TSHZ2: variants seen among roughly 807,000 people sequenced by gnomAD.
TSHZ2 encodes the protein teashirt zinc finger homeobox 2.
In TSHZ2, 21 loss-of-function variants were observed where a neutral mutation model predicts 74.4. The observed-to-expected ratio is 0.28, with a 90% CI of 0.20 to 0.41. The LOEUF (loss-of-function observed/expected upper bound fraction) is 0.41, where lower values mean the gene tolerates loss of function less well. TSHZ2 is among the 10% of genes least tolerant of loss of function. The pLI is 1.00. For synonymous variants in TSHZ2, 540 were observed against 515.3 expected (o/e 1.05, Z -0.65); for missense variants, 1,244 against 1,293.5 (o/e 0.96, Z 0.59).
At position 53,326,460 on chromosome 20, in the gene TSHZ2, C is replaced by T. The variant is rs369541114; in HGVS notation, c.*8+69889C>T. 1.8e-4 allele frequency among the ~76,000 whole-genome samples: 27 copies of T among 152,306 alleles called. No individual in the cohort carries two copies. In the South Asian group the frequency reaches 2.5e-3, roughly 14 times the overall value. ...TGTAATTTAGTCTATTCCTCAGCAA[C>T]GCCCATGATAGAGGTGCAGTAACTT... On this transcript the variant is annotated intron_variant, in intron 2 of 2. Transcript: ENST00000371497.
intron 1 of TSHZ2, among the ~76,000 whole-genome samples, chr20:53,085,537 A>G (rs1314271745): frequency 6.6e-6 from 1 of 152,202 alleles, no homozygotes; most frequent in Non-Finnish European, 1.5e-5. Context: ...AGACAAACTC[A>G]GGTGTTCAAT....
intron 2 of TSHZ2, among the ~76,000 whole-genome samples, chr20:53,428,742 G>A (rs1041232912): frequency 3.3e-5 from 5 of 152,040 alleles, no homozygotes; most frequent in Non-Finnish European, 4.4e-5. Flanking sequence ...TGACCTGGGC[G>A]GGCCTAACTG....
chr20:53,133,044 A>G (rs1033124219), intron 1 of TSHZ2, among the ~76,000 whole-genome samples: 2 of 152,052 alleles, frequency 1.3e-5, no homozygotes, highest in East Asian at 3.9e-4. Context: ...AGTAATATCT[A>G]TGTTTTTAAT....
chr20:53,260,454 C>T (rs547490732), intron 2 of TSHZ2, among the ~76,000 whole-genome samples: 1 of 152,178 alleles, frequency 6.6e-6, no homozygotes, highest in South Asian at 2.1e-4. Flanking sequence ...TAAGCCATAA[C>T]CAGGACAAGA....
chr20:53,320,661 G>T (rs886183804), intron 2 of TSHZ2, among the ~76,000 whole-genome samples: 2 of 152,162 alleles, frequency 1.3e-5, no homozygotes, highest in African/African-American at 4.8e-5. Flanking sequence ...GTGTTAGGGG[G>T]TGTTAAAAAC....
intron 2 of TSHZ2, among the ~76,000 whole-genome samples, chr20:53,326,243 G>A (rs1225801847): frequency 2.6e-5 from 4 of 152,166 alleles, no homozygotes; most frequent in South Asian, 2.1e-4. Context: ...GACTTTTGTC[G>A]GATTTGTCCC....
chr20:53,230,172 A>G (rs1568824765), intron 1 of TSHZ2, among the ~76,000 whole-genome samples: 2 of 152,126 alleles, frequency 1.3e-5, no homozygotes, highest in Non-Finnish European at 2.9e-5. Flanking sequence ...TTTTTCATAT[A>G]TTTATTTATT....
intron 1 of TSHZ2, among the ~76,000 whole-genome samples, chr20:53,108,342 T>C (rs1321706359): frequency 6.6e-6 from 1 of 152,240 alleles, no homozygotes; most frequent in African/African-American, 2.4e-5. Context: ...TTCTGGATAA[T>C]GTAAGTTATG....
At chr20:53,139,273 C>A (rs1348645987) in intron 1 of TSHZ2, among the ~76,000 whole-genome samples, 1 of 152,182 alleles carries the variant, frequency 6.6e-6, no homozygotes, top group Non-Finnish European at 1.5e-5. Flanking sequence ...GTATCACCTG[C>A]TAGTACAGGG....
chr20:53,164,385 A>G (rs1171083415), intron 1 of TSHZ2, among the ~76,000 whole-genome samples: 1 of 151,852 alleles, frequency 6.6e-6, no homozygotes. Flanking sequence ...ATAGTTTACA[A>G]CTATTAAAAG....
In TSHZ2 at chr20:53,135,189, C is replaced by T. The variant is rs188502451; in HGVS notation, c.41-118310C>T. On this transcript the variant is annotated intron_variant, in intron 1 of 2. Transcript: ENST00000371497. ...AAAATTGACTTTCTCCTGTGGTATA[C>T]AGTTTTATGAACTTTCATTCATGTA... 3.3e-3 allele frequency among the ~76,000 whole-genome samples: 506 copies of T among 152,186 alleles called. 2 individuals carry two copies. Among genetic ancestry groups the T allele is most frequent in the African/African-American group, 0.011 (454 of 41,520 alleles).
rs1378964905 is a variant in TSHZ2 at position 53,001,232 on chromosome 20, G to GTGTATGTGTGTGTGTGTGTGTGTA, written c.40+27902_40+27903insATGTGTGTGTGTGTGTGTGTATGT. ...TGTGTGTGTGTGTGTGTGTGTGTGT[G>GTGTATGTGTGTGTGTGTGTGTGTA]TGTGTGTGTGTGTGTGTGTGTGTTT... On this transcript the variant is annotated intron_variant, in intron 1 of 2. Coordinates refer to ENST00000371497, the MANE Select transcript of TSHZ2 (RefSeq NM_173485.6). 6.1e-4 allele frequency among the ~76,000 whole-genome samples: 83 copies of GTGTATGTGTGTGTGTGTGTGTGTA among 135,330 alleles called. 2 individuals are homozygous for GTGTATGTGTGTGTGTGTGTGTGTA. Among genetic ancestry groups the GTGTATGTGTGTGTGTGTGTGTGTA allele is most frequent in the South Asian group, 2.4e-3 (10 of 4,174 alleles). 88.8% of individuals were successfully genotyped at this position (135,330 alleles called of 152,430 possible). A position where few individuals can be genotyped will look rare whatever the true frequency, so the allele number is the denominator to read the frequency against.
At chr20:53,120,554 A>G (rs1303879718) in intron 1 of TSHZ2, among the ~76,000 whole-genome samples, 1 of 152,220 alleles carries the variant, frequency 6.6e-6, no homozygotes, top group Non-Finnish European at 1.5e-5. Flanking sequence ...AGGTAACTAA[A>G]TTTGAAAAAT....
chr20:53,175,501 A>G (rs185450029), intron 1 of TSHZ2, among the ~76,000 whole-genome samples: 7 of 151,524 alleles, frequency 4.6e-5, no homozygotes, highest in Admixed American at 2.0e-4. Flanking sequence ...CTCAATGGCC[A>G]GAAGGAAACA....
chr20:53,263,521 G>C (rs1352592320), intron 2 of TSHZ2, among the ~76,000 whole-genome samples: 2 of 152,114 alleles, frequency 1.3e-5, no homozygotes, highest in Non-Finnish European at 2.9e-5. Flanking sequence ...CCAGATCTTT[G>C]TGTGAGCCCC....
intron 1 of TSHZ2, among the ~76,000 whole-genome samples, chr20:53,222,325 G>A (rs2123644910): frequency 6.6e-6 from 1 of 152,202 alleles, no homozygotes; most frequent in South Asian, 2.1e-4. Context: ...CAACATTCTT[G>A]CCTCTCTACA....
intron 2 of TSHZ2, among the ~76,000 whole-genome samples, chr20:53,422,140 G>T (rs533709039): frequency 6.6e-6 from 1 of 152,000 alleles, no homozygotes. Flanking sequence ...CTGGACTGCC[G>T]AGTTAAGGTT....
intron 1 of TSHZ2, among the ~76,000 whole-genome samples, chr20:52,983,514 A>G (rs34298608): frequency 3.6e-3 from 551 of 152,336 alleles, no homozygotes; most frequent in Admixed American, 8.0e-3. Flanking sequence ...GCTTTCATTC[A>G]TATATTGCTT....
intron 2 of TSHZ2, among the ~76,000 whole-genome samples, chr20:53,283,090 C>A (rs943304054): frequency 6.6e-6 from 1 of 152,174 alleles, no homozygotes; most frequent in Non-Finnish European, 1.5e-5. Context: ...ATGGAGTTAG[C>A]GCCCTACCAG....
Sources: gnomAD v4.1 joint callset for allele counts (sites outside exome capture counted in the v4.1 genomes callset) on GRCh38, gnomAD v4.1.1 for gene constraint, MANE v1.5 for transcripts, NCBI Gene and HGNC (gene_info 2026-07-23, HGNC 2026-07-21) for gene names.